The following PLG variants were observed in gnomAD, a reference collection of about 807,000 sequenced individuals.
PLG encodes the protein plasmin.
Under a neutral mutation model 104.4 loss-of-function variants are expected in PLG, and 41 were observed. That is an observed-to-expected ratio of 0.39 (90% CI 0.31 to 0.51). PLG has a LOEUF of 0.51. Ranked by LOEUF, PLG falls within the 20% of genes least tolerant of loss-of-function variation. The pLI is 0.76. For synonymous variants in PLG, 337 were observed against 357.1 expected (o/e 0.94, Z 0.63); for missense variants, 891 against 1,003.6 (o/e 0.89, Z 1.52).
rs764647453 is a variant in PLG, at chr6:160,739,187, T to C, written c.1997T>C (p.Ile666Thr). 362 of 1,614,168 alleles carry C rather than the reference T, an allele frequency of 2.2e-4. No homozygotes were observed. The highest frequency in any genetic ancestry group is 3.0e-4 in the Non-Finnish European group (349 of 1,180,030). Reference sequence around the variant, plus strand: ...TTCTTGGAGCCCACACGAAAAGATATTGCCTTGCTAAAGCTAAGCAGGTAC... The same window carrying C: ...TTCTTGGAGCCCACACGAAAAGATACTGCCTTGCTAAAGCTAAGCAGGTAC... ...RLFLEPTRKD[I>T]ALLKLSSPAV... is the part of the protein sequence containing the mutation. The change falls in exon 16 of 19, where the codon ATT (isoleucine) becomes ACT (threonine). Residue 666 changes from isoleucine to threonine, a missense_variant. Around this residue, in one of 2 missense-constraint regions of PLG, gnomAD observed 854 missense variants for 932.1 expected, o/e 0.92. Transcript: ENST00000308192. The surrounding 1 kb of genome is among the most constrained non-coding windows in gnomAD (Gnocchi z 4.4).
chr6:160,718,229 C>A, intron 7 of PLG, 65 bp from the exon 8 acceptor site: 1 of 1,417,356 alleles, frequency 7.1e-7, no homozygotes, highest in Non-Finnish European at 1.0e-6. Flanking sequence ...CCAGCCTGGG[C>A]GACAGAGCGA....
intron 3 of PLG, among the ~76,000 whole-genome samples, chr6:160,708,821 C>A (rs1777581101): frequency 1.3e-5 from 2 of 152,118 alleles, no homozygotes; most frequent in Admixed American, 6.5e-5. Flanking sequence ...TAGCTGTACG[C>A]ATTGTACTTC....
At chr6:160,748,107 C>T (rs914274202) in intron 17 of PLG, among the ~76,000 whole-genome samples, 5 of 151,630 alleles carry the variant, frequency 3.3e-5, no homozygotes, top group African/African-American at 7.3e-5. Flanking sequence ...GAGCTTGAGA[C>T]GAGCCTGACC....
chr6:160,703,334 C>T (rs1777456733), intron 1 of PLG, among the ~76,000 whole-genome samples: 1 of 151,586 alleles, frequency 6.6e-6, no homozygotes, highest in South Asian at 2.1e-4. Flanking sequence ...GCATACAATC[C>T]AATGGATTTC....
rs753294113 is a variant in PLG, at chr6:160,722,521, A to G, written c.1210A>G (p.Met404Val). 1.1e-5 allele frequency: 18 copies of G among 1,613,890 alleles called. No homozygotes were observed. Among genetic ancestry groups the G allele is most frequent in the South Asian group, 8.8e-5 (8 of 91,078 alleles). Residue 404 changes from methionine to valine, a missense_variant, in exon 10 of 19, where the codon ATG (methionine) becomes GTG (valine). Transcript: ENST00000308192. ...TGKKCQSWSS[M>V]TPHRHQKTPE... ...AAAGAAGTGTCAGTCTTGGTCATCT[A>G]TGACACCACACCGGCACCAGAAGAC...
chr6:160,738,978 G>A lies in PLG; in HGVS notation c.1878-90G>A, dbSNP rs1582948168. On this transcript the variant is annotated intron_variant, in intron 15 of 18. Transcript: ENST00000308192. This position sits in a 1 kb window ranked among gnomAD's most constrained non-coding sequence, Gnocchi z 6.8. ...AGTCACTAATTCTGAGTGGCCAAGG[G>A]TGTCAGGGAGACAGCACCAATTTCA... 4.7e-6 allele frequency: 7 copies of A among 1,484,728 alleles called. No homozygotes were observed. Among genetic ancestry groups the A allele is most frequent in the East Asian group, 2.3e-5 (1 of 44,170 alleles). The allele number at this position is 1,484,728 out of a possible 1,614,324, so 92.0% of individuals were successfully genotyped here.
In PLG at chr6:160,753,411, G is replaced by A; in HGVS notation, c.*350G>A. On this transcript the variant is annotated 3_prime_UTR_variant, in exon 19 of 19. Coordinates refer to ENST00000308192, the MANE Select transcript of PLG (RefSeq NM_000301.5). The surrounding 1 kb of genome is among the most constrained non-coding windows in gnomAD (Gnocchi z 5.4). ...AAGGAACAGCTGCACAAAGGACTGA[G>A]CAGGCTGCAAGGTCACAGAGGGGAG... is the stretch of plus-strand genomic sequence containing the variant. 2.7e-6 allele frequency: 1 copy of A among 374,200 alleles called. No homozygotes were observed. The highest frequency in any genetic ancestry group is 2.2e-5 in the South Asian group (1 of 45,354). 23.2% of individuals were successfully genotyped at this position (374,200 alleles called of 1,614,324 possible).
chr6:160,742,640 GC>G (rs1778214029), intron 17 of PLG, among the ~76,000 whole-genome samples: 1 of 152,034 alleles, frequency 6.6e-6, no homozygotes, highest in Non-Finnish European at 1.5e-5. Context: ...CTGTCCAGAA[GC>G]TCTTAAGTTT....
At chr6:160,715,990 C>T (rs1052808710) in intron 6 of PLG, among the ~76,000 whole-genome samples, 3 of 152,350 alleles carry the variant, frequency 2.0e-5, no homozygotes, top group South Asian at 4.1e-4. Context: ...GAGGAAGGAT[C>T]CAGCCCCATA....
At chr6:160,714,335 G>A (rs182670989) in intron 5 of PLG, among the ~76,000 whole-genome samples, 4 of 152,266 alleles carry the variant, frequency 2.6e-5, no homozygotes, top group East Asian at 1.9e-4. Context: ...ACCCTGAGAC[G>A]GTGCCAGGTC....
intron 3 of PLG, among the ~76,000 whole-genome samples, 158 bp from the exon 4 acceptor site, chr6:160,710,919 T>A (rs1777627672): frequency 1.3e-5 from 2 of 152,172 alleles, no homozygotes; most frequent in African/African-American, 4.8e-5. Flanking sequence ...AATGGCTCAG[T>A]TTACTGCAGC....
rs1328085664 is a variant in PLG, at chr6:160,737,501, A to G, written c.1802+494A>G. 6.6e-6 allele frequency among the ~76,000 whole-genome samples: 1 copy of G among 152,234 alleles called. No homozygotes were observed. Among genetic ancestry groups the G allele is most frequent in the East Asian group, 1.9e-4 (1 of 5,196 alleles). ...GCAGAGGCTACTCATCCATTCGCAAACAAAAAAATTCTAGGTCATGATCCC... is the reference window on the plus strand; with the variant it reads ...GCAGAGGCTACTCATCCATTCGCAAGCAAAAAAATTCTAGGTCATGATCCC... On this transcript the variant is annotated intron_variant, in intron 14 of 18. Transcript: ENST00000308192. The surrounding 1 kb of genome is among the most constrained non-coding windows in gnomAD (Gnocchi z 4.7).
chr6:160,732,769 G>A lies in PLG; in HGVS notation c.1587+876G>A, dbSNP rs1424144002. On this transcript the variant is annotated intron_variant, in intron 12 of 18. Transcript: ENST00000308192. This position sits in a 1 kb window ranked among gnomAD's most constrained non-coding sequence, Gnocchi z 4.5. ...ACAGCCAGACAGAAGAGATGCACGG[G>A]GCAAGGCATGTGAGAAGGGGCTCAG... 6.6e-6 allele frequency among the ~76,000 whole-genome samples: 1 copy of A among 152,144 alleles called. No homozygotes were observed. The highest frequency in any genetic ancestry group is 1.5e-5 in the Non-Finnish European group (1 of 68,030).
At position 160,722,482 on chromosome 6, in the gene PLG, A is replaced by G. The variant is rs754160565; in HGVS notation, c.1171A>G (p.Thr391Ala). ...DGQSYRGTSS[T>A]TTTGKKCQSW... Reference sequence around the variant, plus strand: ...ACAGAGCTACCGAGGCACATCCTCCACCACCACCACAGGAAAGAAGTGTCA... The same window carrying G: ...ACAGAGCTACCGAGGCACATCCTCCGCCACCACCACAGGAAAGAAGTGTCA... The change falls in exon 10 of 19, where the codon ACC becomes GCC. Residue 391 changes from threonine to alanine, a missense_variant. Around this residue, in one of 2 missense-constraint regions of PLG, gnomAD observed 854 missense variants for 932.1 expected, o/e 0.92. Coordinates refer to ENST00000308192, the MANE Select transcript of PLG (RefSeq NM_000301.5). 1 of 1,610,906 alleles carries G rather than the reference A, an allele frequency of 6.2e-7. No individual in the cohort carries two copies.
chr6:160,747,893 T>C (rs896355626), intron 17 of PLG, among the ~76,000 whole-genome samples: 22 of 152,184 alleles, frequency 1.4e-4, no homozygotes, highest in African/African-American at 5.3e-4. Context: ...ATGAATTACA[T>C]ATTATTGTTC....
Position 160,723,869 on chromosome 6 carries a change from T to A in PLG, c.1256+1302T>A, listed in dbSNP as rs1215877493. Among the ~76,000 whole-genome samples the A allele has an allele frequency of 6.6e-6, 1 of 152,122 alleles. No homozygotes were observed. Among genetic ancestry groups the A allele is most frequent in the Non-Finnish European group, 1.5e-5 (1 of 68,022 alleles). On this transcript the variant is annotated intron_variant, in intron 10 of 18. Coordinates refer to ENST00000308192, the MANE Select transcript of PLG (RefSeq NM_000301.5). This position sits in a 1 kb window ranked among gnomAD's most constrained non-coding sequence, Gnocchi z 4.7. ...TCTTGGGCATTCAGTAGTCACCACATAAAGCCAAACTTTGGGAGTAGGATT... is the reference window on the plus strand; with the variant it reads ...TCTTGGGCATTCAGTAGTCACCACAAAAAGCCAAACTTTGGGAGTAGGATT...
Position 160,732,012 on chromosome 6 carries a change from G to A in PLG, c.1587+119G>A, listed in dbSNP as rs2115174255. The A allele has an allele frequency of 1.9e-6, 2 of 1,046,660 alleles. No homozygotes were observed. Among genetic ancestry groups the A allele is most frequent in the East Asian group, 2.4e-5 (1 of 42,126 alleles). The allele number at this position is 1,046,660 out of a possible 1,614,324, so 64.8% of individuals were successfully genotyped here. ...CTCTTTTTTGTAATGGGGGAGAGGG[G>A]ACAGAAGAAAATATTGGAAAGGCAT... is the stretch of plus-strand genomic sequence containing the variant. On this transcript the variant is annotated intron_variant, in intron 12 of 18. Coordinates refer to ENST00000308192, the MANE Select transcript of PLG (RefSeq NM_000301.5). This position sits in a 1 kb window ranked among gnomAD's most constrained non-coding sequence, Gnocchi z 4.5.
intron 10 of PLG, among the ~76,000 whole-genome samples, chr6:160,727,819 A>G (rs943070902): frequency 6.6e-6 from 1 of 152,030 alleles, no homozygotes. Context: ...TCCAGATAAC[A>G]TCAACTTAAT....
At position 160,735,477 on chromosome 6, in the gene PLG, A is replaced by G. The variant is rs956156186; in HGVS notation, c.1681+1389A>G. On this transcript the variant is annotated intron_variant, in intron 13 of 18. Transcript: ENST00000308192. This position sits in a 1 kb window ranked among gnomAD's most constrained non-coding sequence, Gnocchi z 5.4. The stretch of plus-strand genomic sequence containing the variant: ...ATTGGAGAAAGAAGGAAGAATGGGA[A>G]CAAGATTTTTCCCAAAGGACTGTGA... Among the ~76,000 whole-genome samples, 3 of 152,220 alleles carry G rather than the reference A, an allele frequency of 2.0e-5. No individual in the cohort carries two copies. The highest frequency in any genetic ancestry group is 7.2e-5 in the African/African-American group (3 of 41,454).
Sources: gnomAD v4.1 joint callset for allele counts (sites outside exome capture counted in the v4.1 genomes callset) on GRCh38, gnomAD v4.1.1 for gene constraint, gnomAD v4.1.1 regional missense constraint, Gnocchi (gnomAD v3.1) non-coding constraint, MANE v1.5 for transcripts, NCBI Gene and HGNC (gene_info 2026-07-23, HGNC 2026-07-21) for gene names.